The following RAD18 variants were observed in gnomAD, a reference collection of about 807,000 sequenced individuals.
The protein encoded by RAD18 is E3 ubiquitin-protein ligase RAD18.
Under a neutral mutation model 60.4 loss-of-function variants are expected in RAD18, and 47 were observed. The observed-to-expected ratio is 0.78, with a 90% CI of 0.62 to 0.99. The LOEUF (loss-of-function observed/expected upper bound fraction) is 0.99, where lower values mean the gene tolerates loss of function less well. Among genes scored for constraint, RAD18 ranks in the 50% least tolerant of loss-of-function variants. RAD18 has a pLI of 0.00. For missense variants in RAD18, 640 were observed against 593.3 expected, an observed-to-expected ratio of 1.08 and a Z score of -0.82; for synonymous variants, 225 against 195.5, an observed-to-expected ratio of 1.15 and a Z score of -1.26.
At chr3:8,936,637 G>C (rs1940658148) in intron 6 of RAD18, among the ~76,000 whole-genome samples, 1 of 152,166 alleles carries the variant, frequency 6.6e-6, no homozygotes, top group Non-Finnish European at 1.5e-5. Flanking sequence ...TTCAAAATAA[G>C]AATAGCAAAG....
At chr3:8,951,674 C>T (rs972525869) in intron 2 of RAD18, among the ~76,000 whole-genome samples, 11 of 152,026 alleles carry the variant, frequency 7.2e-5, no homozygotes, top group South Asian at 2.1e-4. Flanking sequence ...TATGTATATG[C>T]GTATAAAAAT....
chr3:8,906,196 TCAGTCATGTGTATGTATA>T (rs141567459), intron 9 of RAD18, among the ~76,000 whole-genome samples: 17,542 of 152,194 alleles, frequency 0.12, 1,132 homozygotes, highest in East Asian at 0.23. Flanking sequence ...AGCTTTTGTT[TCAGTCATGTGTATGTATA>T]CAGTTAGTAG....
At chr3:8,922,955 A>AAAGATGGGG (rs1940354132) in intron 7 of RAD18, among the ~76,000 whole-genome samples, 1 of 152,220 alleles carries the variant, frequency 6.6e-6, no homozygotes, top group Non-Finnish European at 1.5e-5. Flanking sequence ...ATAAAACCAC[A>AAAGATGGGG]AAGATGGGGA....
At chr3:8,890,266 C>T (rs45551233) in intron 12 of RAD18, 123 bp downstream of exon 12, 21,726 of 716,974 alleles carry the variant, frequency 0.03, 428 homozygotes, top group Non-Finnish European at 0.037. Context: ...CTTTACCTTG[C>T]ATGAGGATTA....
intron 11 of RAD18, among the ~76,000 whole-genome samples, chr3:8,897,949 G>A (rs1286628044): frequency 1.3e-5 from 2 of 152,114 alleles, no homozygotes; most frequent in East Asian, 3.9e-4. Context: ...GCACAGGCCT[G>A]TAATCCCAGC....
intron 11 of RAD18, among the ~76,000 whole-genome samples, chr3:8,897,074 A>C (rs1162979283): frequency 6.6e-6 from 1 of 152,236 alleles, no homozygotes; most frequent in Non-Finnish European, 1.5e-5. Context: ...AAGCTTAAGA[A>C]ACAAAAGATT....
intron 12 of RAD18, among the ~76,000 whole-genome samples, chr3:8,887,951 A>G (rs557232609): frequency 2.0e-5 from 3 of 152,290 alleles, no homozygotes; most frequent in African/African-American, 7.2e-5. Context: ...TCTGGCCCCA[A>G]CACCCTAAAA....
intron 2 of RAD18, among the ~76,000 whole-genome samples, chr3:8,957,898 G>T (rs1941037717): frequency 6.6e-6 from 1 of 152,084 alleles, no homozygotes; most frequent in South Asian, 2.1e-4. Context: ...ACTTAAAATG[G>T]ATGTATTTTA....
At chr3:8,950,978 A>G (rs1332971544) in intron 2 of RAD18, among the ~76,000 whole-genome samples, 3 of 152,222 alleles carry the variant, frequency 2.0e-5, no homozygotes, top group Admixed American at 2.0e-4. Context: ...GCAAAGAGAA[A>G]AAAAGACAGG....
intron 2 of RAD18, among the ~76,000 whole-genome samples, chr3:8,949,383 A>G (rs1418413501): frequency 6.6e-6 from 1 of 152,220 alleles, no homozygotes; most frequent in African/African-American, 2.4e-5. Context: ...CATAATTTCA[A>G]TGGTATGGAT....
At chr3:8,881,569 T>A (rs1386235580) in intron 12 of RAD18, 110 bp from the exon 13 acceptor site, 1 of 795,792 alleles carries the variant, frequency 1.3e-6, no homozygotes, top group African/African-American at 1.7e-5. Flanking sequence ...CTCGAAATAA[T>A]CCTCTATTCT....
At position 8,941,723 on chromosome 3, in the gene RAD18, T is replaced by C. The variant is rs1233444732; in HGVS notation, c.348A>G (p.Val116=). The C allele has an allele frequency of 1.2e-6, 2 of 1,614,064 alleles. No homozygotes were observed. The highest frequency in any genetic ancestry group is 1.7e-6 in the Non-Finnish European group (2 of 1,180,014). ...ACTGTCTGGAGGCTACAGGAGTATA[T>C]ACTTTGACAGCAAGATTCTTTGAAG... ...SSSSKNLAVK[V]YTPVASRQSL... The change falls in exon 5 of 13, where the codon GTA becomes GTG. Residue 116 remains valine, a synonymous_variant. Coordinates refer to ENST00000264926, the MANE Select transcript of RAD18 (RefSeq NM_020165.4).
intron 7 of RAD18, among the ~76,000 whole-genome samples, chr3:8,920,049 A>G (rs688620): frequency 0.69 from 104,580 of 152,070 alleles, 36,564 homozygotes; most frequent in Middle Eastern, 0.77. Flanking sequence ...TTGGGAGGCC[A>G]AGGCAGACAG....
chr3:8,904,382 A>G (rs574066687), intron 9 of RAD18, among the ~76,000 whole-genome samples: 4 of 152,212 alleles, frequency 2.6e-5, no homozygotes, highest in Non-Finnish European at 4.4e-5. Context: ...ATGAATATTG[A>G]CAGGCACAGC....
At chr3:8,918,315 T>C (rs1230275093) in intron 7 of RAD18, among the ~76,000 whole-genome samples, 1 of 58,714 alleles carries the variant, frequency 1.7e-5, no homozygotes, top group Non-Finnish European at 3.1e-5. Flanking sequence ...TGAAACTCCA[T>C]CTCAAAAAAA....
At chr3:8,940,340 G>A (rs1015154198) in intron 5 of RAD18, among the ~76,000 whole-genome samples, 4 of 151,828 alleles carry the variant, frequency 2.6e-5, no homozygotes, top group African/African-American at 7.3e-5. Flanking sequence ...TTTCATTTGG[G>A]AAAAAAGGTT....
intron 9 of RAD18, among the ~76,000 whole-genome samples, chr3:8,904,283 T>A (rs1162137819): frequency 6.6e-6 from 1 of 152,066 alleles, no homozygotes; most frequent in Non-Finnish European, 1.5e-5. Context: ...GAGAATGATG[T>A]TAGTTGTTTT....
At chr3:8,893,422 A>G (rs918499476) in intron 11 of RAD18, among the ~76,000 whole-genome samples, 3 of 152,164 alleles carry the variant, frequency 2.0e-5, no homozygotes, top group Non-Finnish European at 4.4e-5. Flanking sequence ...TGGAGGATCA[A>G]TGCAGGACAA....
intron 10 of RAD18, among the ~76,000 whole-genome samples, chr3:8,899,402 A>G (rs181063379): frequency 1.3e-5 from 2 of 152,350 alleles, no homozygotes. Flanking sequence ...AAGAAGTATA[A>G]CCAAAAAAAG....
Sources: gnomAD v4.1 joint callset for allele counts (sites outside exome capture counted in the v4.1 genomes callset) on GRCh38, gnomAD v4.1.1 for gene constraint, MANE v1.5 for transcripts, NCBI Gene and HGNC (gene_info 2026-07-23, HGNC 2026-07-21) for gene names.